The following PCDHA8 variants were observed in gnomAD, a reference collection of about 807,000 sequenced individuals.
The protein encoded by PCDHA8 is protocadherin alpha 8, also known as protocadherin alpha-8.
A neutral mutation model predicts 61.8 loss-of-function variants in PCDHA8; 53 were observed. The ratio of observed to expected loss-of-function variants is 0.86; its 90% CI spans 0.69 to 1.08. PCDHA8 has a LOEUF of 1.08. Ranked by LOEUF, PCDHA8 falls within the 50% of genes least tolerant of loss-of-function variation. The pLI, the probability that PCDHA8 is intolerant of heterozygous loss-of-function variation, is 0.00. For synonymous variants in PCDHA8, 618 were observed against 556.6 expected, an observed-to-expected ratio of 1.11 and a Z score of -1.55; for missense variants, 1,293 against 1,245.0, an observed-to-expected ratio of 1.04 and a Z score of -0.58.
chr5:140,883,740 C>G (rs2059789153), intron 1 of PCDHA8: 1 of 1,613,368 alleles, frequency 6.2e-7, no homozygotes, highest in Non-Finnish European at 8.5e-7. Context: ...GCGCTGGTCT[C>G]CTACTCGCTG....
Position 140,857,453 on chromosome 5 carries a change from C to A in PCDHA8, c.2394+13738C>A, listed in dbSNP as rs545328956. On this transcript the variant is annotated intron_variant, in intron 1 of 3. Coordinates refer to ENST00000531613, the MANE Select transcript of PCDHA8 (RefSeq NM_018911.3). ...GGTGTTCGTGAAGGAGAACAACCCG[C>A]CAGGCTGCCACATCTTCACGGTGTC... 1 of 1,598,604 alleles carries A rather than the reference C, an allele frequency of 6.3e-7. No individual in the cohort carries two copies. The highest frequency in any genetic ancestry group is 1.1e-5 in the South Asian group (1 of 90,558).
chr5:140,856,373 G>A (rs781914523), intron 1 of PCDHA8: 1 of 1,598,562 alleles, frequency 6.3e-7, no homozygotes, highest in Non-Finnish European at 8.6e-7. Context: ...GGAGGTGATC[G>A]TGGACAGGCC....
intron 1 of PCDHA8, chr5:140,876,188 G>T: frequency 6.2e-7 from 1 of 1,613,944 alleles, no homozygotes; most frequent in South Asian, 1.1e-5. Flanking sequence ...AATGACAATG[G>T]TCCGGCGTTT....
intron 1 of PCDHA8, among the ~76,000 whole-genome samples, chr5:140,910,364 TATGCCCACCTTGCC>T: frequency 6.6e-6 from 1 of 152,222 alleles, no homozygotes; most frequent in Admixed American, 6.5e-5. Context: ...TTATGGTAGC[TATGCCCACCTTGCC>T]TTTGACAGTT....
At position 140,870,703 on chromosome 5, in the gene PCDHA8, G is replaced by C. The variant is rs899824906; in HGVS notation, c.2394+26988G>C. On this transcript the variant is annotated intron_variant, in intron 1 of 3. Coordinates refer to ENST00000531613, the MANE Select transcript of PCDHA8 (RefSeq NM_018911.3). ...GGAGCTGGAGCTGCTACAGTTCCAG[G>C]TGAGCGCGCGCGATGCGGGCGTGCC... is the stretch of plus-strand genomic sequence containing the variant. 6 of 1,613,034 alleles carry C rather than the reference G, an allele frequency of 3.7e-6. No homozygotes were observed. In the Admixed American group the frequency reaches 1.0e-4, roughly 27 times the overall value.
At chr5:140,957,912 T>A (rs570961362) in intron 1 of PCDHA8, among the ~76,000 whole-genome samples, 1 of 152,256 alleles carries the variant, frequency 6.6e-6, no homozygotes, top group Non-Finnish European at 1.5e-5. Context: ...CATATTGTTA[T>A]CTATGTATCA....
chr5:140,915,918 T>A (rs1295505621), intron 1 of PCDHA8, among the ~76,000 whole-genome samples: 1 of 152,188 alleles, frequency 6.6e-6, no homozygotes, highest in Admixed American at 6.5e-5. Flanking sequence ...CCAGAGATGC[T>A]ACTTGGGAGT....
At chr5:140,967,884 C>T (rs2096194386) in intron 1 of PCDHA8, 2 of 1,614,050 alleles carry the variant, frequency 1.2e-6, no homozygotes, top group African/African-American at 1.3e-5. Context: ...CTGTATAGCC[C>T]AGTGCCTGAG....
intron 3 of PCDHA8, among the ~76,000 whole-genome samples, chr5:141,000,771 G>A (rs1318485268): frequency 2.0e-5 from 3 of 151,790 alleles, no homozygotes; most frequent in Non-Finnish European, 4.4e-5. Context: ...GCCAGGCATA[G>A]TGGCGCACAC....
intron 1 of PCDHA8, among the ~76,000 whole-genome samples, chr5:140,914,439 T>G (rs1352001626): frequency 6.6e-6 from 1 of 152,192 alleles, no homozygotes; most frequent in Admixed American, 6.6e-5. Flanking sequence ...TCTTTTCCCA[T>G]GTCTTTATTT....
Position 140,842,975 on chromosome 5 carries a change from C to T in PCDHA8, c.1654C>T (p.Gln552Ter), listed in dbSNP as rs1554139598. Residue 552 changes from glutamine (Q) to a stop codon, truncating the protein, a stop_gained, in exon 1 of 4, where the codon CAG (glutamine) becomes TAG (stop). Transcript: ENST00000531613. LOFTEE classifies it high-confidence loss of function. ...VPPLGSNVTL[Q>*]VFVLDENDNA... is the part of the protein sequence containing the mutation. ...GCCTCTGGGCAGCAACGTGACGCTG[C>T]AGGTGTTCGTGCTGGACGAGAATGA... 1.9e-6 allele frequency: 3 copies of T among 1,594,992 alleles called. No individual in the cohort carries two copies. Among genetic ancestry groups the T allele is most frequent in the Non-Finnish European group, 2.6e-6 (3 of 1,165,504 alleles).
At chr5:140,896,089 G>GGATTA (rs2065370419) in intron 1 of PCDHA8, among the ~76,000 whole-genome samples, 1 of 152,010 alleles carries the variant, frequency 6.6e-6, no homozygotes, top group Non-Finnish European at 1.5e-5. Flanking sequence ...GGGATTACAG[G>GGATTA]CGTGAGCCAC....
chr5:140,928,788 G>A, intron 1 of PCDHA8: 1 of 1,614,214 alleles, frequency 6.2e-7, no homozygotes, highest in South Asian at 1.1e-5. Flanking sequence ...CAGTTAAGCA[G>A]AGGGTGGTGG....
At chr5:140,944,378 A>G (rs1204116678) in intron 1 of PCDHA8, among the ~76,000 whole-genome samples, 1 of 151,884 alleles carries the variant, frequency 6.6e-6, no homozygotes, top group Admixed American at 6.6e-5. Flanking sequence ...ATAGAGATGG[A>G]GTCTCACTGT....
At chr5:140,990,627 A>G (rs782672988) in intron 3 of PCDHA8, among the ~76,000 whole-genome samples, 16 of 152,198 alleles carry the variant, frequency 1.1e-4, no homozygotes, top group Non-Finnish European at 1.5e-4. Flanking sequence ...GTCTGTGGTA[A>G]GACTAGAAGC....
At chr5:141,006,299 C>T (rs2098266808) in intron 3 of PCDHA8, among the ~76,000 whole-genome samples, 1 of 152,064 alleles carries the variant, frequency 6.6e-6, no homozygotes, top group Non-Finnish European at 1.5e-5. Flanking sequence ...GCAAGCTCCA[C>T]TTCCCGGGTT....
intron 1 of PCDHA8, chr5:140,847,946 T>C (rs1180480457): frequency 6.6e-6 from 1 of 151,812 alleles, no homozygotes; most frequent in Non-Finnish European, 1.5e-5. Context: ...CCTGGATTTC[T>C]CTTACACTAG....
chr5:140,928,792 G>T (rs1190569981), intron 1 of PCDHA8: 1 of 1,614,048 alleles, frequency 6.2e-7, no homozygotes, highest in African/African-American at 1.3e-5. Context: ...TAAGCAGAGG[G>T]TGGTGGTAGT....
intron 1 of PCDHA8, among the ~76,000 whole-genome samples, chr5:140,974,881 C>A (rs191346198): frequency 6.6e-6 from 1 of 152,228 alleles, no homozygotes; most frequent in African/African-American, 2.4e-5. Flanking sequence ...GTCTATGTAT[C>A]CCTTTTCTGA....
Sources: allele counts gnomAD v4.1 joint callset (sites outside exome capture counted in the v4.1 genomes callset), GRCh38; gene constraint gnomAD v4.1.1; transcripts MANE v1.5; gene names NCBI Gene and HGNC (gene_info 2026-07-23, HGNC 2026-07-21).